The following RALGAPB variants were observed in gnomAD, a reference collection of about 807,000 sequenced individuals.
RALGAPB encodes the protein ral GTPase-activating protein subunit beta.
RALGAPB carries 25 observed loss-of-function variants against 161.1 expected under a neutral mutation model. That is an observed-to-expected ratio of 0.16 (90% confidence interval 0.11 to 0.22). The LOEUF is 0.22. Ranked by LOEUF, RALGAPB falls within the 10% of genes least tolerant of loss-of-function variation. The pLI is 1.00. For synonymous variants in RALGAPB, 629 were observed against 626.1 expected, an observed-to-expected ratio of 1.00 and a Z score of -0.07; for missense variants, 1,391 against 1,815.2, an observed-to-expected ratio of 0.77 and a Z score of 4.25.
intron 14 of RALGAPB, 91 bp downstream of exon 14, chr20:38,531,322 A>C: frequency 8.8e-7 from 1 of 1,141,948 alleles, no homozygotes; most frequent in Non-Finnish European, 1.3e-6. Context: ...TGAATTTTAA[A>C]GGCCTTTGGT....
chr20:38,554,736 C>T lies in RALGAPB; in HGVS notation c.3372+660C>T, dbSNP rs138446233. On this transcript the variant is annotated intron_variant, in intron 22 of 29. Transcript: ENST00000262879. Reference sequence around the variant, plus strand: ...GTATAGTACTTAGCACAAAGTAAGCCAGCCTATAAGATAAATATTGCTATT... The same window carrying T: ...GTATAGTACTTAGCACAAAGTAAGCTAGCCTATAAGATAAATATTGCTATT... Among the ~76,000 whole-genome samples, 636 of 152,194 alleles carry T rather than the reference C, an allele frequency of 4.2e-3. 3 individuals carry two copies. Among genetic ancestry groups the T allele is most frequent in the African/African-American group, 0.015 (605 of 41,524 alleles).
intron 26 of RALGAPB, chr20:38,568,450 G>T (rs1162342600): frequency 6.6e-6 from 1 of 152,144 alleles, no homozygotes; most frequent in Non-Finnish European, 1.5e-5. Context: ...CATTATTCTT[G>T]AATGCTTTTC....
rs2084692126 is a variant in RALGAPB, at chr20:38,472,923, G to C, written c.-177G>C. 2.5e-6 allele frequency: 1 copy of C among 398,838 alleles called. No homozygotes were observed. Among genetic ancestry groups the C allele is most frequent in the Non-Finnish European group, 4.4e-6 (1 of 225,990 alleles). The allele number at this position is 398,838 out of a possible 1,614,324, so 24.7% of individuals were successfully genotyped here. On this transcript the variant is annotated 5_prime_UTR_variant, in exon 1 of 30. Coordinates refer to ENST00000262879, the MANE Select transcript of RALGAPB (RefSeq NM_020336.4). ...CCCTTGGCGCCCTGGGAGAGTCGCT[G>C]ACGGGTGGACTGACGGACCGCCTGA...
intron 1 of RALGAPB, among the ~76,000 whole-genome samples, chr20:38,477,286 T>C (rs576908838): frequency 3.3e-5 from 5 of 152,324 alleles, no homozygotes; most frequent in Non-Finnish European, 7.4e-5. Flanking sequence ...AGCTGCTGTA[T>C]TGGACAGAGG....
intron 28 of RALGAPB, 116 bp downstream of exon 28, chr20:38,570,963 A>C: frequency 4.4e-6 from 3 of 675,718 alleles, no homozygotes; most frequent in Non-Finnish European, 7.3e-6. Context: ...AATAAAAACA[A>C]AAAAGATCAA....
intron 23 of RALGAPB, among the ~76,000 whole-genome samples, chr20:38,561,983 A>C (rs805550): frequency 0.071 from 10,779 of 152,314 alleles, 732 homozygotes; most frequent in African/African-American, 0.18. Flanking sequence ...CTTAGTGAAG[A>C]GGAGAGAACT....
intron 5 of RALGAPB, among the ~76,000 whole-genome samples, chr20:38,500,564 G>A (rs549571440): frequency 7.9e-5 from 12 of 152,228 alleles, no homozygotes; most frequent in Non-Finnish European, 1.5e-4. Flanking sequence ...ACTGAAATTA[G>A]GCCAATTAGT....
At chr20:38,554,512 A>C (rs951348157) in intron 22 of RALGAPB, among the ~76,000 whole-genome samples, 1 of 152,198 alleles carries the variant, frequency 6.6e-6, no homozygotes, top group African/African-American at 2.4e-5. Flanking sequence ...TTGTAAGTCA[A>C]GCACTTCTTA....
chr20:38,569,806 A>T (rs1403662768), intron 26 of RALGAPB, 82 bp from the exon 27 acceptor site: 1 of 1,019,394 alleles, frequency 9.8e-7, no homozygotes, highest in Non-Finnish European at 1.5e-6. Flanking sequence ...ACCTTGACAA[A>T]TGAATGACTG....
At chr20:38,501,431 G>T (rs1361626714) in intron 5 of RALGAPB, among the ~76,000 whole-genome samples, 1 of 152,150 alleles carries the variant, frequency 6.6e-6, no homozygotes, top group African/African-American at 2.4e-5. Context: ...GGGCAACTTG[G>T]CAAAAGCCCA....
chr20:38,521,374 A>T, intron 9 of RALGAPB, 123 bp from the exon 10 acceptor site: 1 of 1,457,060 alleles, frequency 6.9e-7, no homozygotes, highest in Non-Finnish European at 9.1e-7. Context: ...GTTGCTAAAC[A>T]AAAGCACTTA....
intron 23 of RALGAPB, 68 bp downstream of exon 23, chr20:38,558,521 T>C (rs2087674656): frequency 1.5e-6 from 2 of 1,320,192 alleles, no homozygotes; most frequent in Non-Finnish European, 2.0e-6. Flanking sequence ...AAGAAAAAAA[T>C]TGAGGCAAAA....
At chr20:38,572,732 C>T (rs1346912434) in intron 28 of RALGAPB, among the ~76,000 whole-genome samples, 1 of 152,124 alleles carries the variant, frequency 6.6e-6, no homozygotes, top group Non-Finnish European at 1.5e-5. Context: ...TCACAGATAT[C>T]TTAACGTTCC....
intron 19 of RALGAPB, chr20:38,546,724 C>T: frequency 3.0e-6 from 1 of 333,842 alleles, no homozygotes; most frequent in South Asian, 3.7e-5. Context: ...TTTTCTTCCC[C>T]CTTGAACTTC....
chr20:38,548,927 T>A, intron 20 of RALGAPB, 132 bp downstream of exon 20: 1 of 700,120 alleles, frequency 1.4e-6, no homozygotes, highest in Non-Finnish European at 2.5e-6. Flanking sequence ...TGGGTTCATA[T>A]CAGAATCATC....
intron 2 of RALGAPB, 26 bp from the exon 3 acceptor site, chr20:38,492,904 C>G: frequency 1.3e-6 from 2 of 1,548,878 alleles, no homozygotes; most frequent in Non-Finnish European, 1.8e-6. Flanking sequence ...TGTAATAATT[C>G]TATATGGATA....
chr20:38,493,568 C>G (rs959773992), intron 3 of RALGAPB, among the ~76,000 whole-genome samples: 9 of 152,144 alleles, frequency 5.9e-5, no homozygotes, highest in African/African-American at 2.2e-4. Flanking sequence ...AAAGATTCCT[C>G]TTGATAGTTT....
chr20:38,535,897 T>C (rs1442846925), intron 16 of RALGAPB, among the ~76,000 whole-genome samples: 1 of 152,202 alleles, frequency 6.6e-6, no homozygotes, highest in East Asian at 1.9e-4. Flanking sequence ...GGCTACACTT[T>C]TTAGATTTCT....
At position 38,524,828 on chromosome 20, in the gene RALGAPB, A is replaced by G. The variant is rs1439679168; in HGVS notation, c.1670A>G (p.His557Arg). Residue 557 changes from histidine to arginine, a missense_variant, in exon 11 of 30, where the codon CAT (histidine) becomes CGT (arginine). This residue lies in a region of RALGAPB where 946 missense variants were observed against 1,257.2 expected (regional missense o/e 0.75). Coordinates refer to ENST00000262879, the MANE Select transcript of RALGAPB (RefSeq NM_020336.4). ...QGLQINDYVC[H>R]PVLASVILNS... ...TTGCAGATAAATGATTATGTGTGCCATCCTGTCTTGGCCAGCGTTATTCTA... is the reference window on the plus strand; with the variant it reads ...TTGCAGATAAATGATTATGTGTGCCGTCCTGTCTTGGCCAGCGTTATTCTA... 2.5e-6 allele frequency: 4 copies of G among 1,609,642 alleles called. No individual in the cohort carries two copies. In the Admixed American group the frequency reaches 6.7e-5, roughly 27 times the overall value.
Sources: allele counts gnomAD v4.1 joint callset (sites outside exome capture counted in the v4.1 genomes callset), GRCh38; gene constraint gnomAD v4.1.1; regional missense constraint gnomAD v4.1.1; transcripts MANE v1.5; gene names NCBI Gene and HGNC (gene_info 2026-07-23, HGNC 2026-07-21).